The following ABHD6 variants were observed in gnomAD, a reference collection of about 807,000 sequenced individuals.
The protein encoded by ABHD6 is abhydrolase domain containing 6, acylglycerol lipase.
A neutral mutation model predicts 38.8 loss-of-function variants in ABHD6; 33 were observed. The ratio of observed to expected loss-of-function variants is 0.85; its 90% CI spans 0.64 to 1.14. ABHD6 has a LOEUF of 1.14. Ranked by LOEUF, ABHD6 falls within the 50% of genes most tolerant of loss-of-function variation. The pLI is 0.00. For missense variants in ABHD6, 380 were observed against 422.6 expected (o/e 0.90, Z 0.88); for synonymous variants, 147 against 161.6 (o/e 0.91, Z 0.69).
chr3:58,263,390 C>CA lies in ABHD6; in HGVS notation c.120-3784dup, dbSNP rs577703142. 9.6e-3 allele frequency among the ~76,000 whole-genome samples: 812 copies of CA among 84,890 alleles called. 8 individuals are homozygous for CA. Among genetic ancestry groups the CA allele is most frequent in the African/African-American group, 0.028 (637 of 22,716 alleles). 55.7% of individuals were successfully genotyped at this position (84,890 alleles called of 152,430 possible). On this transcript the variant is annotated intron_variant, in intron 3 of 9. Coordinates refer to ENST00000478253, the MANE Select transcript of ABHD6 (RefSeq NM_001320126.2). The surrounding 1 kb of genome is among the most constrained non-coding windows in gnomAD (Gnocchi z 4.9). ...AGGCAACGAGAGTGAAACTCCATCT[C>CA]AAAAAAAAAAAAAAAGAAAAAATAT...
chr3:58,285,223 C>G lies in ABHD6; in HGVS notation c.736+84C>G. The stretch of plus-strand genomic sequence containing the variant: ...GCTTTTATTTCTTAAATCTCTGACA[C>G]TTTGAATGTCTCTTTGGGCCCCTGA... On this transcript the variant is annotated intron_variant, in intron 8 of 9. Transcript: ENST00000478253. This position sits in a 1 kb window ranked among gnomAD's most constrained non-coding sequence, Gnocchi z 4.9. 6.5e-7 allele frequency: 1 copy of G among 1,544,848 alleles called. No individual in the cohort carries two copies. Among genetic ancestry groups the G allele is most frequent in the Middle Eastern group, 1.7e-4 (1 of 5,902 alleles).
At chr3:58,283,682 A>C (rs2097454911) in intron 7 of ABHD6, among the ~76,000 whole-genome samples, 1 of 152,136 alleles carries the variant, frequency 6.6e-6, no homozygotes, top group South Asian at 2.1e-4. Flanking sequence ...GGATGGATGG[A>C]TGGGAGGATA....
chr3:58,271,206 C>G (rs937115957), intron 6 of ABHD6, 142 bp downstream of exon 6: 1 of 893,822 alleles, frequency 1.1e-6, no homozygotes, highest in Non-Finnish European at 1.6e-6. Flanking sequence ...ATAACTCTAA[C>G]CAACCAATAG....
chr3:58,260,644 C>T (rs1030654280), intron 3 of ABHD6, among the ~76,000 whole-genome samples: 3 of 152,146 alleles, frequency 2.0e-5, no homozygotes, highest in South Asian at 2.1e-4. Context: ...TTCATTTGCT[C>T]GGCTGCCAGT....
At chr3:58,248,862 T>C (rs1320686450) in intron 1 of ABHD6, among the ~76,000 whole-genome samples, 1 of 152,228 alleles carries the variant, frequency 6.6e-6, no homozygotes, top group Non-Finnish European at 1.5e-5. Context: ...GCACAGTCTG[T>C]ATTAAACTTC....
intron 1 of ABHD6, among the ~76,000 whole-genome samples, chr3:58,249,398 A>C (rs1035782232): frequency 1.3e-5 from 2 of 152,068 alleles, no homozygotes; most frequent in African/African-American, 4.8e-5. Flanking sequence ...AGCAGTTTGT[A>C]GCGCCTCCCT....
chr3:58,245,385 C>T (rs6808671), intron 1 of ABHD6, among the ~76,000 whole-genome samples: 64,530 of 151,510 alleles, frequency 0.43, 14,818 homozygotes, highest in African/African-American at 0.61. Flanking sequence ...AGGCTGGTCT[C>T]GAACTCCTGA....
chr3:58,269,205 C>A lies in ABHD6; in HGVS notation c.277-116C>A. ...GGGTAAAACACTGAGTGGCCAAGACCCATACATCCCCAGGGATGGCTGTCT... is the reference window on the plus strand; with the variant it reads ...GGGTAAAACACTGAGTGGCCAAGACACATACATCCCCAGGGATGGCTGTCT... On this transcript the variant is annotated intron_variant, in intron 4 of 9. Coordinates refer to ENST00000478253, the MANE Select transcript of ABHD6 (RefSeq NM_001320126.2). The surrounding 1 kb of genome is among the most constrained non-coding windows in gnomAD (Gnocchi z 4.4). 1.4e-6 allele frequency: 1 copy of A among 690,028 alleles called. No individual in the cohort carries two copies. 42.7% of individuals were successfully genotyped at this position (690,028 alleles called of 1,614,324 possible).
intron 1 of ABHD6, among the ~76,000 whole-genome samples, chr3:58,248,919 A>G (rs1029615791): frequency 6.6e-6 from 1 of 152,174 alleles, no homozygotes; most frequent in Non-Finnish European, 1.5e-5. Context: ...CACCCTGTAG[A>G]TTTAATTTGC....
chr3:58,290,815 T>C (rs1209658701), intron 9 of ABHD6, among the ~76,000 whole-genome samples: 25 of 145,650 alleles, frequency 1.7e-4, no homozygotes, highest in African/African-American at 6.4e-4. Context: ...ACTTCCTAGA[T>C]GGGATGGCGG....
chr3:58,254,398 A>G (rs1321982918), intron 2 of ABHD6, among the ~76,000 whole-genome samples: 1 of 152,224 alleles, frequency 6.6e-6, no homozygotes, highest in African/African-American at 2.4e-5. Context: ...TTTCTCATCC[A>G]GTGGCAGACT....
At position 58,256,546 on chromosome 3, in the gene ABHD6, T is replaced by A; in HGVS notation, c.-25-16T>A. 1.4e-6 allele frequency: 2 copies of A among 1,446,146 alleles called. No homozygotes were observed. The highest frequency in any genetic ancestry group is 4.5e-5 in the East Asian group (2 of 43,996). 89.6% of individuals were successfully genotyped at this position (1,446,146 alleles called of 1,614,324 possible). On this transcript the variant is annotated splice_polypyrimidine_tract_variant and intron_variant, in intron 2 of 9. Transcript: ENST00000478253. This position sits in a 1 kb window ranked among gnomAD's most constrained non-coding sequence, Gnocchi z 4.3. ...ATACAGAGTTTTAATATCGTCATTC[T>A]CTTTGGCCCCTGCAGGAGTCAGCCA...
chr3:58,239,127 C>A (rs754617404), intron 1 of ABHD6, among the ~76,000 whole-genome samples: 15 of 152,176 alleles, frequency 9.9e-5, no homozygotes, highest in Admixed American at 3.3e-4. Flanking sequence ...AACCGCCCCC[C>A]CAACCCGACC....
chr3:58,275,348 C>A (rs80350512), intron 7 of ABHD6, among the ~76,000 whole-genome samples: 1 of 107,464 alleles, frequency 9.3e-6, no homozygotes. Context: ...TTTTTTTTTC[C>A]AGACAGAGTC....
In ABHD6 at chr3:58,293,466, TA is replaced by T; in HGVS notation, c.838-119del. Reference sequence around the variant, plus strand: ...CCCCAACACCAAAGGGACTTGGTCCTAAAATTCACATCCTCCTGCCCCACTG... The same window carrying T: ...CCCCAACACCAAAGGGACTTGGTCCTAAATTCACATCCTCCTGCCCCACTG... On this transcript the variant is annotated intron_variant, in intron 9 of 9. Coordinates refer to ENST00000478253, the MANE Select transcript of ABHD6 (RefSeq NM_001320126.2). This position sits in a 1 kb window ranked among gnomAD's most constrained non-coding sequence, Gnocchi z 4.4. 2 of 1,048,132 alleles carry T rather than the reference TA, an allele frequency of 1.9e-6. No homozygotes were observed. The highest frequency in any genetic ancestry group is 2.7e-6 in the Non-Finnish European group (2 of 738,134). The allele number at this position is 1,048,132 out of a possible 1,614,324, so 64.9% of individuals were successfully genotyped here.
intron 7 of ABHD6, among the ~76,000 whole-genome samples, chr3:58,283,839 G>A (rs3773007): frequency 1.3e-5 from 2 of 152,006 alleles, no homozygotes; most frequent in African/African-American, 4.8e-5. Flanking sequence ...TGTGGGTACA[G>A]GTGGATAGCT....
Position 58,293,742 on chromosome 3 carries a change from G to C in ABHD6, c.991G>C (p.Asp331His), listed in dbSNP as rs1332315804. 7.4e-6 allele frequency: 12 copies of C among 1,614,058 alleles called. No homozygotes were observed. The East Asian group carries it at 2.7e-4, about 36-fold the overall frequency. The change falls in exon 10 of 10, where the codon GAC (aspartate) becomes CAC (histidine). Residue 331 changes from aspartate (D) to histidine (H), a missense_variant. Physicochemically the swap from Asp to His is moderately conservative, Grantham distance 81 (BLOSUM62 -1). Transcript: ENST00000478253. This position sits in a 1 kb window ranked among gnomAD's most constrained non-coding sequence, Gnocchi z 4.4. ...IDFLASVHNT[D>H]NNKKLD The stretch of plus-strand genomic sequence containing the variant: ...CTTTTTAGCTTCTGTGCACAACACA[G>C]ACAACAACAAGAAGCTGGACTGAGG...
At position 58,266,027 on chromosome 3, in the gene ABHD6, A is replaced by T. The variant is rs2097440620; in HGVS notation, c.120-1162A>T. Among the ~76,000 whole-genome samples, 1 of 152,258 alleles carries T rather than the reference A, an allele frequency of 6.6e-6. No homozygotes were observed. Among genetic ancestry groups the T allele is most frequent in the Admixed American group, 6.5e-5 (1 of 15,282 alleles). Reference sequence around the variant, plus strand: ...AGCTGGGATGTGAATGGATGAACAAAGTCGTGTTATGATTTAGAATTTTGA... The same window carrying T: ...AGCTGGGATGTGAATGGATGAACAATGTCGTGTTATGATTTAGAATTTTGA... On this transcript the variant is annotated intron_variant, in intron 3 of 9. Transcript: ENST00000478253. The surrounding 1 kb of genome is among the most constrained non-coding windows in gnomAD (Gnocchi z 4.0).
chr3:58,267,075 G>A lies in ABHD6; in HGVS notation c.120-114G>A. 8.7e-7 allele frequency: 1 copy of A among 1,153,594 alleles called. No homozygotes were observed. Among genetic ancestry groups the A allele is most frequent in the Non-Finnish European group, 1.2e-6 (1 of 805,326 alleles). The allele number at this position is 1,153,594 out of a possible 1,614,324, so 71.5% of individuals were successfully genotyped here. A position where few individuals can be genotyped will look rare whatever the true frequency, so the allele number is the denominator to read the frequency against. ...AGACTGATGGAGGACAAGGGCTGGA[G>A]AAGTGTTTGTGTTATCACTAAGGAA... On this transcript the variant is annotated intron_variant, in intron 3 of 9. Transcript: ENST00000478253. This position sits in a 1 kb window ranked among gnomAD's most constrained non-coding sequence, Gnocchi z 4.3.
Sources: allele counts gnomAD v4.1 joint callset (sites outside exome capture counted in the v4.1 genomes callset), GRCh38; gene constraint gnomAD v4.1.1; non-coding constraint Gnocchi (gnomAD v3.1); transcripts MANE v1.5; gene names NCBI Gene and HGNC (gene_info 2026-07-23, HGNC 2026-07-21).